Variants in FNBP1 observed in about 807,000 individuals in gnomAD.
FNBP1 encodes formin-binding protein 1.
A neutral mutation model predicts 90.6 loss-of-function variants in FNBP1; 26 were observed. That is an observed-to-expected ratio of 0.29 (90% CI 0.21 to 0.40). The LOEUF is 0.40. FNBP1 is among the 10% of genes least tolerant of loss of function. The probability of loss-of-function intolerance (pLI) is 1.00; values close to 1 mark genes in which losing one functional copy is unlikely to be tolerated. For missense variants in FNBP1, 635 were observed against 768.0 expected, an observed-to-expected ratio of 0.83 and a Z score of 2.05; for synonymous variants, 260 against 265.2, an observed-to-expected ratio of 0.98 and a Z score of 0.19.
intron 1 of FNBP1, among the ~76,000 whole-genome samples, chr9:130,019,078 T>A (rs1280908073): frequency 6.6e-6 from 1 of 151,934 alleles, no homozygotes; most frequent in Non-Finnish European, 1.5e-5. Flanking sequence ...TACAAAAAAA[T>A]TAGCCGGGCA....
chr9:130,017,804 C>T (rs1002957442), intron 1 of FNBP1, among the ~76,000 whole-genome samples: 2 of 148,282 alleles, frequency 1.3e-5, no homozygotes, highest in Non-Finnish European at 3.0e-5. Flanking sequence ...CACTCCAGCC[C>T]GGGTGACAGA....
Position 129,915,974 on chromosome 9 carries a change from G to C in FNBP1, c.1177C>G (p.Leu393Val). 6.2e-7 allele frequency: 1 copy of C among 1,608,558 alleles called. No homozygotes were observed. Among genetic ancestry groups the C allele is most frequent in the Non-Finnish European group, 8.5e-7 (1 of 1,175,726 alleles). Residue 393 changes from leucine to valine, a missense_variant, in exon 11 of 17, where the codon CTC (leucine) becomes GTC (valine). Physicochemically the swap from Leu to Val is conservative, Grantham distance 32. Coordinates refer to ENST00000446176, the MANE Select transcript of FNBP1 (RefSeq NM_015033.3). ...CFRSLKRGLSLKLGATPEDFS... is the reference protein window; with the variant it reads ...CFRSLKRGLSVKLGATPEDFS... ...GGAACAATTGTGCTTACCAGCTTGA[G>C]AGAAAGCTTCATGTAAAAATTGGAG...
rs1052279153 is a variant in FNBP1 at position 129,889,259 on chromosome 9, G to A, written c.*1280C>T. ...CCCTCAAAGGACCACGAGAGGCACG[G>A]GGTCTTTGGTGATGAAAGTGCTAAC... On this transcript the variant is annotated 3_prime_UTR_variant, in exon 17 of 17. Transcript: ENST00000446176. 1.6e-5 allele frequency: 3 copies of A among 193,094 alleles called. No individual in the cohort carries two copies. Among genetic ancestry groups the A allele is most frequent in the African/African-American group, 7.0e-5 (3 of 43,004 alleles). The allele number at this position is 193,094 out of a possible 1,614,324, so 12.0% of individuals were successfully genotyped here.
Position 129,895,917 on chromosome 9 carries a change from G to T in FNBP1, c.1767C>A (p.Thr589=). 4 of 1,613,676 alleles carry T rather than the reference G, an allele frequency of 2.5e-6. No homozygotes were observed. The highest frequency in any genetic ancestry group is 3.4e-6 in the Non-Finnish European group (4 of 1,179,824). The stretch of plus-strand genomic sequence containing the variant: ...CTTCATCTTCATTTCTCCGAATGCG[G>T]GTCCAGCCATCGCCTTTGTCTTCCT... ...VIEEDKGDGW[T]RIRRNEDEEG... is the part of the protein sequence containing the mutation. Residue 589 remains threonine (T), a synonymous_variant, in exon 16 of 17, where the codon ACC becomes ACA. Transcript: ENST00000446176.
At chr9:129,907,085 G>C (rs370631852) in intron 12 of FNBP1, among the ~76,000 whole-genome samples, 191 of 147,820 alleles carry the variant, frequency 1.3e-3, no homozygotes, top group African/African-American at 4.6e-3. Context: ...GCCCAAGCAC[G>C]TTTTTTTTTT....
chr9:130,025,855 T>C (rs1295450767), intron 1 of FNBP1, among the ~76,000 whole-genome samples: 1 of 151,454 alleles, frequency 6.6e-6, no homozygotes, highest in Non-Finnish European at 1.5e-5. Flanking sequence ...ACCCAGGAGG[T>C]GGAGGTTGCA....
chr9:129,942,928 A>G (rs2044550006), intron 6 of FNBP1, among the ~76,000 whole-genome samples: 1 of 151,816 alleles, frequency 6.6e-6, no homozygotes, highest in Admixed American at 6.6e-5. Flanking sequence ...CCTGGGCTCA[A>G]GCAATCCTCC....
chr9:129,890,420 G>T lies in FNBP1; in HGVS notation c.*119C>A, dbSNP rs114483837. 0.079 allele frequency: 64,432 copies of T among 820,298 alleles called. 2,963 individuals are homozygous for T. Among genetic ancestry groups the T allele is most frequent in the Middle Eastern group, 0.12 (362 of 2,952 alleles). 50.8% of individuals were successfully genotyped at this position (820,298 alleles called of 1,614,324 possible). A position where few individuals can be genotyped will look rare whatever the true frequency, so the allele number is the denominator to read the frequency against. ...GCTGGAGAGAGAGAGAGACCGCCCC[G>T]CAGGGATGGGGCTGCGGAGGGGTGG... On this transcript the variant is annotated 3_prime_UTR_variant, in exon 17 of 17. Coordinates refer to ENST00000446176, the MANE Select transcript of FNBP1 (RefSeq NM_015033.3). The surrounding 1 kb of genome is among the most constrained non-coding windows in gnomAD (Gnocchi z 5.8).
chr9:129,906,127 C>T (rs958119653), intron 12 of FNBP1, among the ~76,000 whole-genome samples: 4 of 152,070 alleles, frequency 2.6e-5, no homozygotes, highest in African/African-American at 9.7e-5. Flanking sequence ...AGGTGATCTG[C>T]CTGCCTCAGC....
chr9:130,048,314 CAAAAAAAAAAA>C, the FNBP1 span, among the ~76,000 whole-genome samples: 55 of 50,716 alleles, frequency 1.1e-3, no homozygotes, highest in South Asian at 5.0e-3. Flanking sequence ...GACTCCATCT[CAAAAAAAAAAA>C]AAAAAAAAAA....
At chr9:129,895,589 AGTT>A (rs1488361431) in intron 16 of FNBP1, 1 of 1,240,454 alleles carries the variant, frequency 8.1e-7, no homozygotes, top group Non-Finnish European at 1.0e-6. Flanking sequence ...CATAGCTGTA[AGTT>A]GGCGGTTGGC....
intron 12 of FNBP1, among the ~76,000 whole-genome samples, chr9:129,903,648 AT>A (rs2037398956): frequency 6.6e-6 from 1 of 152,156 alleles, no homozygotes; most frequent in Non-Finnish European, 1.5e-5. Context: ...TACTTTAAAA[AT>A]TTTTAATTAA....
At chr9:130,050,815 TTTTTTTTTTG>T in the FNBP1 span, among the ~76,000 whole-genome samples, 10 of 29,918 alleles carry the variant, frequency 3.3e-4, no homozygotes, top group Non-Finnish European at 4.2e-4. Flanking sequence ...AATTTTTGTG[TTTTTTTTTTG>T]TTTTTTTGTT....
intron 6 of FNBP1, among the ~76,000 whole-genome samples, chr9:129,951,186 A>C (rs2046112275): frequency 6.6e-6 from 1 of 151,766 alleles, no homozygotes; most frequent in Admixed American, 6.6e-5. Context: ...CAAACCCCTG[A>C]TCTCAGGTGA....
At chr9:129,938,979 GATT>G (rs1293463135) in intron 6 of FNBP1, among the ~76,000 whole-genome samples, 2 of 151,994 alleles carry the variant, frequency 1.3e-5, no homozygotes, top group Non-Finnish European at 2.9e-5. Context: ...GTTTGAAATT[GATT>G]ATTATTACTT....
At chr9:130,039,052 G>C (rs776927824) in intron 1 of FNBP1, among the ~76,000 whole-genome samples, 1 of 151,832 alleles carries the variant, frequency 6.6e-6, no homozygotes, top group Non-Finnish European at 1.5e-5. Flanking sequence ...CCAACAACCA[G>C]CCACAACTTC....
rs2059979483 is a variant in FNBP1 at position 130,042,982 on chromosome 9, G to A, written c.-7C>T. 1.6e-6 allele frequency: 2 copies of A among 1,225,638 alleles called. No individual in the cohort carries two copies. Among genetic ancestry groups the A allele is most frequent in the African/African-American group, 1.6e-5 (1 of 64,126 alleles). The allele number at this position is 1,225,638 out of a possible 1,614,324, so 75.9% of individuals were successfully genotyped here. A position where few individuals can be genotyped will look rare whatever the true frequency, so the allele number is the denominator to read the frequency against. Reference sequence around the variant, plus strand: ...GCTCGGTGCCCCAGCTCATGGTGCAGGGGACGCGAAGGGGCGCTCCGCGCG... The same window carrying A: ...GCTCGGTGCCCCAGCTCATGGTGCAAGGGACGCGAAGGGGCGCTCCGCGCG... On this transcript the variant is annotated 5_prime_UTR_variant, in exon 1 of 17. Coordinates refer to ENST00000446176, the MANE Select transcript of FNBP1 (RefSeq NM_015033.3). This position sits in a 1 kb window ranked among gnomAD's most constrained non-coding sequence, Gnocchi z 5.5.
Position 130,043,121 on chromosome 9 carries a change from C to CG in FNBP1, c.-147dup. The CG allele has an allele frequency of 1.6e-6, 1 of 622,048 alleles. No individual in the cohort carries two copies. The highest frequency in any genetic ancestry group is 3.5e-5 in the East Asian group (1 of 28,188). The allele number at this position is 622,048 out of a possible 1,614,324, so 38.5% of individuals were successfully genotyped here. On this transcript the variant is annotated 5_prime_UTR_variant, in exon 1 of 17. Coordinates refer to ENST00000446176, the MANE Select transcript of FNBP1 (RefSeq NM_015033.3). ...CTCCTCCGGCTCGCAGCTCCTCGCC[C>CG]GGGGTCTCCTCGGCGGCTCCTCCTC...
intron 6 of FNBP1, among the ~76,000 whole-genome samples, chr9:129,955,452 A>G (rs928099120): frequency 6.6e-6 from 1 of 151,780 alleles, no homozygotes; most frequent in Non-Finnish European, 1.5e-5. Context: ...CCCAGGCTGG[A>G]TCTGAACTCC....
Sources: allele counts gnomAD v4.1 joint callset (sites outside exome capture counted in the v4.1 genomes callset), GRCh38; gene constraint gnomAD v4.1.1; non-coding constraint Gnocchi (gnomAD v3.1); transcripts MANE v1.5; gene names NCBI Gene and HGNC (gene_info 2026-07-23, HGNC 2026-07-21).